Variants in HCN4 observed in about 807,000 individuals in gnomAD.
HCN4 encodes the protein potassium/sodium hyperpolarization-activated cyclic nucleotide-gated channel 4.
HCN4 carries 29 observed loss-of-function variants against 76.9 expected under a neutral mutation model. The observed-to-expected ratio is 0.38, with a 90% CI of 0.28 to 0.51. The LOEUF (loss-of-function observed/expected upper bound fraction) is 0.51, where lower values mean the gene tolerates loss of function less well. Ranked by LOEUF, HCN4 falls within the 20% of genes least tolerant of loss-of-function variation. HCN4 has a pLI of 0.90. For missense variants in HCN4, 1,416 were observed against 1,715.2 expected (o/e 0.83, Z 3.08); for synonymous variants, 772 against 762.5 (o/e 1.01, Z -0.21).
rs1483177160 is a variant in HCN4, at chr15:73,325,113, A to G, written c.1820T>C (p.Met607Thr). Reference protein sequence around the residue: ...ANADPNFVTSMLTKLRFEVFQ... With the variant: ...ANADPNFVTSTLTKLRFEVFQ... ...GACCTCGAAACGCAGCTTGGTCAGC[A>G]TGGACGTCACGAAGTTGGGGTCCGC... Residue 607 changes from methionine (M) to threonine (T), a missense_variant, in exon 6 of 8, where the codon ATG (methionine) becomes ACG (threonine). Physicochemically the swap from Met to Thr is moderately conservative, Grantham distance 81. This residue lies in a region of HCN4 where 241 missense variants were observed against 379.4 expected (regional missense o/e 0.64). Coordinates refer to ENST00000261917, the MANE Select transcript of HCN4 (RefSeq NM_005477.3). This position sits in a 1 kb window ranked among gnomAD's most constrained non-coding sequence, Gnocchi z 7.4. 1.4e-5 allele frequency: 23 copies of G among 1,614,114 alleles called. No individual in the cohort carries two copies. Among genetic ancestry groups the G allele is most frequent in the Middle Eastern group, 1.6e-4 (1 of 6,084 alleles).
chr15:73,338,613 CAA>C (rs1201130190), intron 2 of HCN4, among the ~76,000 whole-genome samples: 1 of 152,226 alleles, frequency 6.6e-6, no homozygotes, highest in African/African-American at 2.4e-5. Context: ...GCCCTCCCAA[CAA>C]AGAGTTGATT....
intron 2 of HCN4, among the ~76,000 whole-genome samples, chr15:73,336,139 C>T (rs1054897173): frequency 6.6e-6 from 1 of 152,174 alleles, no homozygotes; most frequent in African/African-American, 2.4e-5. Context: ...TGAGCACCCC[C>T]AGCCCAGATG....
intron 1 of HCN4, among the ~76,000 whole-genome samples, chr15:73,359,662 G>A (rs1021050514): frequency 7.9e-5 from 12 of 152,002 alleles, no homozygotes; most frequent in Admixed American, 5.2e-4. Context: ...CCCCAGCCAC[G>A]GACTGAACCC....
chr15:73,348,749 G>A (rs186349277), intron 1 of HCN4, among the ~76,000 whole-genome samples: 70 of 152,262 alleles, frequency 4.6e-4, no homozygotes, highest in African/African-American at 1.4e-3. Context: ...ACTGTAGCCC[G>A]TGGGTCTCCA....
rs192623542 is a variant in HCN4, at chr15:73,356,320, T to C, written c.785+11166A>G. On this transcript the variant is annotated intron_variant, in intron 1 of 7. Transcript: ENST00000261917. ...CTCCTGCTTGAGTCTCTGGAGTGGC[T>C]GGGACTACAGGCACACACTACCATG... Among the ~76,000 whole-genome samples the C allele has an allele frequency of 2.7e-3, 408 of 150,390 alleles. 3 individuals carry two copies. Among genetic ancestry groups the C allele is most frequent in the Middle Eastern group, 0.01 (3 of 286 alleles).
At position 73,323,684 on chromosome 15, in the gene HCN4, A is replaced by C. The variant is rs1037000142; in HGVS notation, c.2409T>G (p.Ala803=). The change falls in exon 8 of 8, where the codon GCT becomes GCG. Residue 803 remains alanine, a synonymous_variant. Transcript: ENST00000261917. The part of the protein sequence containing the change: ...IALTHHPRLP[A]AIFRPPPGSG... ...ATCCTGGGGGAGGGCGGAAGATGGC[A>C]GCAGGCAGGCGAGGGTGGTGGGTGA... The C allele has an allele frequency of 3.8e-6, 6 of 1,593,808 alleles. No homozygotes were observed. Among genetic ancestry groups the C allele is most frequent in the Non-Finnish European group, 5.1e-6 (6 of 1,170,702 alleles).
chr15:73,325,309 G>A lies in HCN4; in HGVS notation c.1726C>T (p.Pro576Ser). The A allele has an allele frequency of 6.2e-7, 1 of 1,613,990 alleles. No homozygotes were observed. Among genetic ancestry groups the A allele is most frequent in the Non-Finnish European group, 8.5e-7 (1 of 1,179,950 alleles). ...GCCACACAGCTCACCTCCCGCAGGG[G>A]CTCGCTTAGCTCGCCCAGGATGCTC... Reference protein sequence around the residue: ...EESILGELSEPLREEIINFNC... With the variant: ...EESILGELSESLREEIINFNC... The change falls in exon 5 of 8, where the codon CCC (proline) becomes TCC (serine). Residue 576 changes from proline (P) to serine (S), a missense_variant. By Grantham distance (74) the Pro-to-Ser change is moderately conservative. This residue lies in a region of HCN4 where 241 missense variants were observed against 379.4 expected (regional missense o/e 0.64). Transcript: ENST00000261917. This position sits in a 1 kb window ranked among gnomAD's most constrained non-coding sequence, Gnocchi z 7.4.
At chr15:73,356,005 A>C (rs112257443) in intron 1 of HCN4, among the ~76,000 whole-genome samples, 2,460 of 152,282 alleles carry the variant, frequency 0.016, 43 homozygotes, top group Non-Finnish European at 0.026. Context: ...CCTCCCACTC[A>C]GGAGATTGGA....
In HCN4 at chr15:73,323,489, G is replaced by C. The variant is rs138773305; in HGVS notation, c.2604C>G (p.Pro868=). 1.9e-6 allele frequency: 3 copies of C among 1,603,940 alleles called. No homozygotes were observed. Among genetic ancestry groups the C allele is most frequent in the East Asian group, 4.5e-5 (2 of 44,870 alleles). ...AGGGCAGGAGTGGGCTCAGTCCAGC[G>C]GGGGCAGAGAATCCAGCCAGCTGTT... is the stretch of plus-strand genomic sequence containing the variant. ...HIQQLAGFSA[P]AGLSPLLPSS... Residue 868 remains proline (P), a synonymous_variant, in exon 8 of 8, where the codon CCC becomes CCG. Coordinates refer to ENST00000261917, the MANE Select transcript of HCN4 (RefSeq NM_005477.3).
intron 1 of HCN4, among the ~76,000 whole-genome samples, chr15:73,345,675 C>A (rs1234759717): frequency 6.6e-6 from 1 of 152,168 alleles, no homozygotes; most frequent in African/African-American, 2.4e-5. Context: ...ACGCAGGTAT[C>A]CCCATTCACA....
At chr15:73,355,880 A>C (rs1253478544) in intron 1 of HCN4, among the ~76,000 whole-genome samples, 1 of 152,178 alleles carries the variant, frequency 6.6e-6, no homozygotes, top group African/African-American at 2.4e-5. Flanking sequence ...TGCTTCACCC[A>C]GTGGACAAGA....
In HCN4 at chr15:73,367,679, C is replaced by T. The variant is rs1168642170; in HGVS notation, c.592G>A (p.Asp198Asn). The T allele has an allele frequency of 6.9e-6, 11 of 1,600,910 alleles. No individual in the cohort carries two copies. In the Admixed American group the frequency reaches 1.8e-4, roughly 27 times the overall value. ...IKVEGGAAAG[D>N]QILPEAEVRL... ...ACCTCGGCCTCCGGGAGGATCTGGTCGCCGGCAGCCGCGCCTCCCTCCACT... is the reference window on the plus strand; with the variant it reads ...ACCTCGGCCTCCGGGAGGATCTGGTTGCCGGCAGCCGCGCCTCCCTCCACT... The change falls in exon 1 of 8, where the codon GAC becomes AAC. Residue 198 changes from aspartate to asparagine, a missense_variant. Transcript: ENST00000261917. The surrounding 1 kb of genome is among the most constrained non-coding windows in gnomAD (Gnocchi z 7.5).
chr15:73,335,642 C>G (rs1456611459), intron 2 of HCN4: 1 of 152,436 alleles, frequency 6.6e-6, no homozygotes, highest in Non-Finnish European at 1.5e-5. Flanking sequence ...CGAACAGCCA[C>G]TTGTAAGTGG....
rs1193737227 is a variant in HCN4, at chr15:73,368,113, A to G, written c.158T>C (p.Leu53Pro). 1 of 1,505,570 alleles carries G rather than the reference A, an allele frequency of 6.6e-7. No homozygotes were observed. The highest frequency in any genetic ancestry group is 2.1e-4 in the Middle Eastern group (1 of 4,770). 93.3% of individuals were successfully genotyped at this position (1,505,570 alleles called of 1,614,324 possible). Residue 53 changes from leucine (L) to proline (P), a missense_variant, in exon 1 of 8, where the codon CTG becomes CCG. Transcript: ENST00000261917. The surrounding 1 kb of genome is among the most constrained non-coding windows in gnomAD (Gnocchi z 6.9). ...PSRRSIRLRP[L>P]PSPSPSAAAG... ...GGCCGCCGAGGGGGAGGGCGAGGGC[A>G]GTGGCCGCAGCCGGATGCTCCTGCG...
intron 1 of HCN4, among the ~76,000 whole-genome samples, chr15:73,356,360 CTTTCTTTTCT>C (rs1173393496): frequency 7.0e-6 from 1 of 142,472 alleles, no homozygotes; most frequent in Non-Finnish European, 1.5e-5. Context: ...GCTAATTTTT[CTTTCTTTTCT>C]TTTCTTTTTT....
In HCN4 at chr15:73,325,568, T is replaced by C. The variant is rs1338763839; in HGVS notation, c.1591-124A>G. The C allele has an allele frequency of 2.1e-6, 2 of 960,918 alleles. No homozygotes were observed. Among genetic ancestry groups the C allele is most frequent in the African/African-American group, 3.2e-5 (2 of 62,404 alleles). 59.5% of individuals were successfully genotyped at this position (960,918 alleles called of 1,614,324 possible). On this transcript the variant is annotated intron_variant, in intron 4 of 7. Coordinates refer to ENST00000261917, the MANE Select transcript of HCN4 (RefSeq NM_005477.3). The surrounding 1 kb of genome is among the most constrained non-coding windows in gnomAD (Gnocchi z 7.4). ...GGGGGATTTCCTGGCTAAACTTGGT[T>C]CCTTGAGATCTGAGGTCTACAGTGT... is the stretch of plus-strand genomic sequence containing the variant.
Position 73,322,453 on chromosome 15 carries a change from A to G in HCN4, c.*28T>C. 6.5e-7 allele frequency: 1 copy of G among 1,529,744 alleles called. No individual in the cohort carries two copies. The highest frequency in any genetic ancestry group is 1.2e-5 in the South Asian group (1 of 84,316). The allele number at this position is 1,529,744 out of a possible 1,614,324, so 94.8% of individuals were successfully genotyped here. ...AGGAAGAAGGAAGGGAGAGAAAAGA[A>G]GAAAGAAGAGGGAAGGAAGGGCCCA... is the stretch of plus-strand genomic sequence containing the variant. On this transcript the variant is annotated 3_prime_UTR_variant, in exon 8 of 8. Transcript: ENST00000261917.
intron 1 of HCN4, among the ~76,000 whole-genome samples, chr15:73,361,938 C>A (rs948274762): frequency 6.6e-6 from 1 of 152,250 alleles, no homozygotes; most frequent in Non-Finnish European, 1.5e-5. Flanking sequence ...TGCTCCTTTC[C>A]AGAAATCTCA....
rs539516927 is a variant in HCN4 at position 73,352,729 on chromosome 15, G to A, written c.786-8921C>T. On this transcript the variant is annotated intron_variant, in intron 1 of 7. Coordinates refer to ENST00000261917, the MANE Select transcript of HCN4 (RefSeq NM_005477.3). ...CCTCTACCCCACCTCCACCACAGGG[G>A]ATTTTAGAAGTTCTCCCTTCTTCCC... Among the ~76,000 whole-genome samples, 82 of 152,268 alleles carry A rather than the reference G, an allele frequency of 5.4e-4. No individual in the cohort carries two copies. In the South Asian group the frequency reaches 0.011, roughly 21 times the overall value.
Sources: allele counts gnomAD v4.1 joint callset (sites outside exome capture counted in the v4.1 genomes callset), GRCh38; gene constraint gnomAD v4.1.1; regional missense constraint gnomAD v4.1.1; non-coding constraint Gnocchi (gnomAD v3.1); transcripts MANE v1.5; gene names NCBI Gene and HGNC (gene_info 2026-07-23, HGNC 2026-07-21).